Variants in SETDB1 observed in about 807,000 individuals in gnomAD.
SETDB1 encodes the protein SET domain bifurcated histone lysine methyltransferase 1, also known as histone-lysine N-methyltransferase SETDB1.
SETDB1 carries 31 observed loss-of-function variants against 137.4 expected under a neutral mutation model. That is an observed-to-expected ratio of 0.23 (90% CI 0.17 to 0.30). SETDB1 has a LOEUF of 0.30. Among genes scored for constraint, SETDB1 ranks in the 10% least tolerant of loss-of-function variants. The pLI is 1.00. For synonymous variants in SETDB1, 548 were observed against 579.9 expected (o/e 0.95, Z 0.79); for missense variants, 1,113 against 1,631.5 (o/e 0.68, Z 5.47).
At chr1:150,963,856 A>C (rs746064684) in intron 20 of SETDB1, 115 bp downstream of exon 20, 1 of 1,308,288 alleles carries the variant, frequency 7.6e-7, no homozygotes, top group East Asian at 2.3e-5. Flanking sequence ...AAAGGATCTT[A>C]AAGAGGTAGC....
intron 3 of SETDB1, among the ~76,000 whole-genome samples, chr1:150,935,593 A>G (rs889849499): frequency 5.3e-5 from 8 of 152,052 alleles, no homozygotes; most frequent in African/African-American, 1.9e-4. Flanking sequence ...ATGGGTATCT[A>G]TATATTCTAG....
At chr1:150,940,100 G>A (rs587607276) in intron 4 of SETDB1, 126 bp downstream of exon 4, 29 of 602,614 alleles carry the variant, frequency 4.8e-5, no homozygotes, top group African/African-American at 3.8e-4. Flanking sequence ...AGCCCTTTGC[G>A]TTGCAGTCCT....
At chr1:150,962,835 T>TCC (rs1343284286) in intron 18 of SETDB1, 116 bp downstream of exon 18, 1 of 1,453,616 alleles carries the variant, frequency 6.9e-7, no homozygotes, top group Non-Finnish European at 9.4e-7. Context: ...AGCCTTGACT[T>TCC]CCTGCCTTAT....
At chr1:150,937,118 C>A (rs1249690570) in intron 3 of SETDB1, among the ~76,000 whole-genome samples, 1 of 150,900 alleles carries the variant, frequency 6.6e-6, no homozygotes, top group African/African-American at 2.4e-5. Flanking sequence ...GAGTAAGAAT[C>A]TGTCTCAAAG....
Position 150,941,499 on chromosome 1 carries a change from G to T in SETDB1, c.547+71G>T, listed in dbSNP as rs903066775. On this transcript the variant is annotated intron_variant, in intron 5 of 21. Coordinates refer to ENST00000692827, the MANE Select transcript of SETDB1 (RefSeq NM_001366418.1). ...ACAGAGATTTTGTCTTAAGTCTTAT[G>T]TCTGCTAATTGTTTGTGACATGCCA... 6 of 916,162 alleles carry T rather than the reference G, an allele frequency of 6.5e-6. No individual in the cohort carries two copies. In the East Asian group the frequency reaches 1.5e-4, roughly 23 times the overall value. The allele number at this position is 916,162 out of a possible 1,614,324, so 56.8% of individuals were successfully genotyped here. A position where few individuals can be genotyped will look rare whatever the true frequency, so the allele number is the denominator to read the frequency against.
intron 13 of SETDB1, 97 bp downstream of exon 13, chr1:150,951,187 TCTTC>T: frequency 7.3e-7 from 1 of 1,364,812 alleles, no homozygotes; most frequent in Non-Finnish European, 1.0e-6. Flanking sequence ...GCTTTCCCCA[TCTTC>T]CTTTACCTCC....
chr1:150,939,041 C>A (rs1027498060), intron 3 of SETDB1, among the ~76,000 whole-genome samples: 3 of 151,884 alleles, frequency 2.0e-5, no homozygotes, highest in Non-Finnish European at 4.4e-5. Flanking sequence ...TTGGTTCAAG[C>A]GATTTTCTTG....
intron 3 of SETDB1, among the ~76,000 whole-genome samples, chr1:150,933,779 CT>C (rs890205371): frequency 1.7e-3 from 35 of 20,102 alleles, no homozygotes; most frequent in Middle Eastern, 0.025. Flanking sequence ...TTTTCTTTTT[CT>C]TTTTTTTTTT....
At chr1:150,946,461 T>C (rs6658066) in intron 9 of SETDB1, among the ~76,000 whole-genome samples, 1 of 151,274 alleles carries the variant, frequency 6.6e-6, no homozygotes. Context: ...AATTTTTTTT[T>C]GGGGGGGATG....
At chr1:150,934,410 T>G (rs1669883991) in intron 3 of SETDB1, among the ~76,000 whole-genome samples, 1 of 152,056 alleles carries the variant, frequency 6.6e-6, no homozygotes, top group African/African-American at 2.4e-5. Flanking sequence ...GAGGCGGAGC[T>G]TGCAGTGAGC....
At chr1:150,941,613 GCGT>G (rs1298045893) in intron 5 of SETDB1, among the ~76,000 whole-genome samples, 185 bp downstream of exon 5, 6 of 152,138 alleles carry the variant, frequency 3.9e-5, no homozygotes, top group Non-Finnish European at 7.3e-5. Context: ...TACCTCTTTA[GCGT>G]CCTACATTTA....
At chr1:150,929,197 T>C (rs1024185496) in intron 2 of SETDB1, among the ~76,000 whole-genome samples, 13 of 152,146 alleles carry the variant, frequency 8.5e-5, no homozygotes, top group Admixed American at 7.9e-4. Flanking sequence ...TGAACAAGTT[T>C]ACAGTCCCAC....
intron 19 of SETDB1, 147 bp from the exon 20 acceptor site, chr1:150,963,383 C>T (rs1467604339): frequency 1.3e-6 from 1 of 794,024 alleles, no homozygotes; most frequent in East Asian, 2.5e-5. Flanking sequence ...GAAAAAAAAA[C>T]CTGCTACTTA....
chr1:150,950,351 G>A lies in SETDB1; in HGVS notation c.1584-107G>A, dbSNP rs1670461540. ...TCTTGAATCATCTTTAGCTTCAGGA[G>A]CACAGCTGTTTGAAAGATGAGAGAA... On this transcript the variant is annotated intron_variant, in intron 12 of 21. Coordinates refer to ENST00000692827, the MANE Select transcript of SETDB1 (RefSeq NM_001366418.1). The A allele has an allele frequency of 3.1e-6, 3 of 965,326 alleles. No individual in the cohort carries two copies. The East Asian group carries it at 7.2e-5, about 23-fold the overall frequency. The allele number at this position is 965,326 out of a possible 1,614,324, so 59.8% of individuals were successfully genotyped here. A position where few individuals can be genotyped will look rare whatever the true frequency, so the allele number is the denominator to read the frequency against.
intron 9 of SETDB1, chr1:150,945,439 C>T (rs769083793): frequency 8.7e-5 from 42 of 484,292 alleles, no homozygotes; most frequent in Non-Finnish European, 1.1e-4. Flanking sequence ...GATAGTGGGA[C>T]GAAGAAGAGG....
rs17852587 is a variant in SETDB1, at chr1:150,949,461, C to T, written c.1519C>T (p.Pro507Ser). ...PGSVGSGHSS[P>S]TSPALSENVS... is the part of the protein sequence containing the mutation. ...ATCTGTGGGCTCTGGTCATTCCTCC[C>T]CTACATCTCCTGCACTCAGTGAAAA... Residue 507 changes from proline to serine, a missense_variant, in exon 12 of 22, where the codon CCT becomes TCT. By Grantham distance (74) the Pro-to-Ser change is moderately conservative. This residue lies in a region of SETDB1 where 192 missense variants were observed against 198.1 expected (regional missense o/e 0.97). Coordinates refer to ENST00000692827, the MANE Select transcript of SETDB1 (RefSeq NM_001366418.1). 2 of 1,614,004 alleles carry T rather than the reference C, an allele frequency of 1.2e-6. No homozygotes were observed. The highest frequency in any genetic ancestry group is 1.7e-6 in the Non-Finnish European group (2 of 1,180,026).
intron 4 of SETDB1, among the ~76,000 whole-genome samples, chr1:150,940,981 G>A (rs1448084322): frequency 1.4e-5 from 2 of 146,120 alleles, no homozygotes; most frequent in Non-Finnish European, 3.0e-5. Context: ...CTGGGCAACA[G>A]AGCCAGACTC....
In SETDB1 at chr1:150,951,031, C is replaced by A. The variant is rs376939142; in HGVS notation, c.2157C>A (p.Phe719Leu). Residue 719 changes from phenylalanine (F) to leucine (L), a missense_variant, in exon 13 of 22, where the codon TTC becomes TTA. This residue lies in a region of SETDB1 where 81 missense variants were observed against 123.4 expected (regional missense o/e 0.66). Transcript: ENST00000692827. ...SKERIPGKGV[F>L]INTGPEFLVG... is the part of the protein sequence containing the mutation. ...AACGTATCCCGGGCAAGGGTGTTTTCATTAACACAGGCCCTGAATTTCTGG... is the reference window on the plus strand; with the variant it reads ...AACGTATCCCGGGCAAGGGTGTTTTAATTAACACAGGCCCTGAATTTCTGG... 6.2e-7 allele frequency: 1 copy of A among 1,613,866 alleles called. No homozygotes were observed. The highest frequency in any genetic ancestry group is 1.3e-5 in the African/African-American group (1 of 74,898).
At chr1:150,962,235 C>G in intron 17 of SETDB1, 77 bp downstream of exon 17, 3 of 1,330,802 alleles carry the variant, frequency 2.3e-6, no homozygotes, top group Non-Finnish European at 3.2e-6. Flanking sequence ...GTGGCGTAAT[C>G]TCAGCTCATT....
Sources: gnomAD v4.1 joint callset for allele counts (sites outside exome capture counted in the v4.1 genomes callset) on GRCh38, gnomAD v4.1.1 for gene constraint, gnomAD v4.1.1 regional missense constraint, MANE v1.5 for transcripts, NCBI Gene and HGNC (gene_info 2026-07-23, HGNC 2026-07-21) for gene names.